ANKS1B: variants seen among roughly 807,000 people sequenced by gnomAD.
ANKS1B encodes ankyrin repeat and sterile alpha motif domain containing 1B.
A neutral mutation model predicts 148.3 loss-of-function variants in ANKS1B; 36 were observed. The observed-to-expected ratio is 0.24, with a 90% CI of 0.19 to 0.32. The LOEUF (loss-of-function observed/expected upper bound fraction) is 0.32. Ranked by LOEUF, ANKS1B falls within the 10% of genes least tolerant of loss-of-function variation. The pLI is 1.00. For missense variants in ANKS1B, 1,157 were observed against 1,542.6 expected, an observed-to-expected ratio of 0.75 and a Z score of 4.19; for synonymous variants, 542 against 560.8, an observed-to-expected ratio of 0.97 and a Z score of 0.47.
intron 12 of ANKS1B, among the ~76,000 whole-genome samples, chr12:99,373,052 T>G (rs2093225100): frequency 6.6e-6 from 1 of 152,198 alleles, no homozygotes; most frequent in Non-Finnish European, 1.5e-5. Flanking sequence ...AAATATGATG[T>G]GAAAATCACC....
intron 14 of ANKS1B, among the ~76,000 whole-genome samples, chr12:99,237,586 C>T (rs1468452620): frequency 6.6e-6 from 1 of 152,164 alleles, no homozygotes; most frequent in Non-Finnish European, 1.5e-5. Flanking sequence ...TTATGGGATA[C>T]ATAAAGATGA....
In ANKS1B at chr12:99,082,017, T is replaced by C. The variant is rs200193243; in HGVS notation, c.2625+2908A>G. On this transcript the variant is annotated intron_variant, in intron 16 of 26. Transcript: ENST00000683438. The stretch of plus-strand genomic sequence containing the variant: ...GCTGAATGTTATTAGTACCTTGAGA[T>C]AGGAACAAGGACAGGGCCATAAAAT... Among the ~76,000 whole-genome samples, 24 of 152,214 alleles carry C rather than the reference T, an allele frequency of 1.6e-4. No homozygotes were observed. In the East Asian group the frequency reaches 2.3e-3, roughly 15 times the overall value.
chr12:99,950,363 G>A (rs187736118), intron 1 of ANKS1B, among the ~76,000 whole-genome samples: 1 of 151,896 alleles, frequency 6.6e-6, no homozygotes, highest in Non-Finnish European at 1.5e-5. Context: ...TCCTATTATA[G>A]TAACTGAGAC....
intron 8 of ANKS1B, among the ~76,000 whole-genome samples, chr12:99,693,762 T>C (rs1281631649): frequency 1.3e-5 from 2 of 151,104 alleles, no homozygotes; most frequent in Non-Finnish European, 2.9e-5. Context: ...CACTGGTCTT[T>C]CAACAAATAT....
At chr12:98,894,458 G>C (rs2099759316) in intron 17 of ANKS1B, among the ~76,000 whole-genome samples, 1 of 151,700 alleles carries the variant, frequency 6.6e-6, no homozygotes. Context: ...CCCCTCCGTA[G>C]AGACCGCTAG....
At chr12:98,780,949 G>T (rs1593451216) in intron 24 of ANKS1B, among the ~76,000 whole-genome samples, 168 bp downstream of exon 24, 1 of 152,132 alleles carries the variant, frequency 6.6e-6, no homozygotes, top group Non-Finnish European at 1.5e-5. Context: ...GTGTGTATGT[G>T]TGTGTGTACA....
At chr12:99,036,318 G>T (rs541200334) in intron 17 of ANKS1B, among the ~76,000 whole-genome samples, 1 of 146,888 alleles carries the variant, frequency 6.8e-6, no homozygotes, top group Admixed American at 6.9e-5. Context: ...AGAATGGGAG[G>T]TTTTTTTTTT....
intron 9 of ANKS1B, among the ~76,000 whole-genome samples, chr12:99,618,103 A>G (rs566332039): frequency 2.6e-5 from 4 of 152,238 alleles, no homozygotes; most frequent in African/African-American, 9.6e-5. Flanking sequence ...TTTCTGCCTA[A>G]TAGAGATTTT....
At chr12:99,862,296 A>G (rs925750031) in intron 1 of ANKS1B, among the ~76,000 whole-genome samples, 9 of 152,238 alleles carry the variant, frequency 5.9e-5, no homozygotes, top group African/African-American at 2.2e-4. Flanking sequence ...AAAAAATAAA[A>G]AAGCATAGAG....
chr12:99,656,486 T>G (rs2098450401), intron 8 of ANKS1B, among the ~76,000 whole-genome samples: 1 of 152,102 alleles, frequency 6.6e-6, no homozygotes, highest in Non-Finnish European at 1.5e-5. Context: ...AAGATATTTA[T>G]AGCCATGAAA....
At chr12:99,744,587 T>G (rs1441352370) in intron 8 of ANKS1B, among the ~76,000 whole-genome samples, 2 of 152,202 alleles carry the variant, frequency 1.3e-5, no homozygotes, top group African/African-American at 4.8e-5. Flanking sequence ...CTTTCTTCAG[T>G]ACTAAAATTA....
At chr12:99,788,422 C>T (rs2065234763) in intron 4 of ANKS1B, among the ~76,000 whole-genome samples, 1 of 152,162 alleles carries the variant, frequency 6.6e-6, no homozygotes, top group Non-Finnish European at 1.5e-5. Context: ...CAGGATTCAT[C>T]ACCTGCTGAC....
chr12:98,941,392 T>C lies in ANKS1B; in HGVS notation c.2779-109256A>G, dbSNP rs142124576. Among the ~76,000 whole-genome samples, 637 of 152,242 alleles carry C rather than the reference T, an allele frequency of 4.2e-3. 14 individuals are homozygous for C. The highest frequency in any genetic ancestry group is 8.2e-4 in the Non-Finnish European group (56 of 68,014). The stretch of plus-strand genomic sequence containing the variant: ...TAAATATGAAAAATATAGCACTAAG[T>C]AGATCTTAGAAAAGATACTTGTTTA... On this transcript the variant is annotated intron_variant, in intron 17 of 26. Transcript: ENST00000683438.
At chr12:99,828,468 T>A (rs899994768) in intron 1 of ANKS1B, among the ~76,000 whole-genome samples, 2 of 151,942 alleles carry the variant, frequency 1.3e-5, no homozygotes, top group African/African-American at 4.8e-5. Context: ...CTCTCAAATA[T>A]GAACAAATAA....
chr12:99,703,077 A>T (rs968124747), intron 8 of ANKS1B, among the ~76,000 whole-genome samples: 1 of 152,136 alleles, frequency 6.6e-6, no homozygotes, highest in African/African-American at 2.4e-5. Flanking sequence ...GGCAAGAAAC[A>T]TAACCATCAA....
At chr12:99,047,695 G>C (rs574834116) in intron 17 of ANKS1B, among the ~76,000 whole-genome samples, 11 of 152,228 alleles carry the variant, frequency 7.2e-5, no homozygotes, top group African/African-American at 2.6e-4. Context: ...TTAAAGTACT[G>C]TTCGTTAGAA....
intron 1 of ANKS1B, among the ~76,000 whole-genome samples, chr12:99,830,419 C>A (rs186524266): frequency 6.6e-6 from 1 of 151,866 alleles, no homozygotes; most frequent in Admixed American, 6.6e-5. Context: ...GAAAACTCAA[C>A]TAAAAGTTCT....
intron 17 of ANKS1B, among the ~76,000 whole-genome samples, chr12:98,875,239 C>T (rs2099685320): frequency 6.6e-6 from 1 of 152,198 alleles, no homozygotes; most frequent in African/African-American, 2.4e-5. Flanking sequence ...TTCTTACCAG[C>T]ATTATTACCA....
rs2094680004 is a variant in ANKS1B at position 99,933,513 on chromosome 12, G to A, written c.134+50591C>T. Among the ~76,000 whole-genome samples, 8 of 151,712 alleles carry A rather than the reference G, an allele frequency of 5.3e-5. No individual in the cohort carries two copies. The South Asian group carries it at 1.7e-3, about 32-fold the overall frequency. On this transcript the variant is annotated intron_variant, in intron 1 of 26. Transcript: ENST00000683438. ...AGTTTATTCCTGGGTATTTTTTTAT[G>A]AGATTACTTTCTTGATTTCTTTTTA...
Sources: allele counts gnomAD v4.1 joint callset (sites outside exome capture counted in the v4.1 genomes callset), GRCh38; gene constraint gnomAD v4.1.1; transcripts MANE v1.5; gene names NCBI Gene and HGNC (gene_info 2026-07-23, HGNC 2026-07-21).